FOXN2: variants seen among roughly 807,000 people sequenced by gnomAD.
The protein encoded by FOXN2 is forkhead box protein N2.
FOXN2 carries 19 observed loss-of-function variants against 41.2 expected under a neutral mutation model. That is an observed-to-expected ratio of 0.46 (90% confidence interval 0.32 to 0.68). FOXN2 has a LOEUF of 0.68. Ranked by LOEUF, FOXN2 falls within the 30% of genes least tolerant of loss-of-function variation. The probability of loss-of-function intolerance (pLI) is 0.03; values close to 1 mark genes in which losing one functional copy is unlikely to be tolerated. For missense variants in FOXN2, 587 were observed against 509.4 expected (o/e 1.15, Z -1.47); for synonymous variants, 195 against 176.8 (o/e 1.10, Z -0.82).
chr2:48,334,939 A>G (rs764104768), intron 2 of FOXN2, among the ~76,000 whole-genome samples: 1 of 152,236 alleles, frequency 6.6e-6, no homozygotes, highest in Admixed American at 6.5e-5. Context: ...CTCTCACACT[A>G]GTTTGCAGCA....
chr2:48,366,862 G>T (rs1270709900), intron 5 of FOXN2, among the ~76,000 whole-genome samples: 1 of 151,288 alleles, frequency 6.6e-6, no homozygotes, highest in Non-Finnish European at 1.5e-5. Context: ...ACCTGCTGAA[G>T]AACTTTAAAT....
At chr2:48,348,320 G>A (rs534675644) in intron 3 of FOXN2, among the ~76,000 whole-genome samples, 1 of 151,904 alleles carries the variant, frequency 6.6e-6, no homozygotes, top group African/African-American at 2.4e-5. Flanking sequence ...TCATTCTGCT[G>A]ATAAGCCCCA....
chr2:48,315,998 CCTAT>C (rs1395483335), intron 1 of FOXN2, among the ~76,000 whole-genome samples: 11 of 152,166 alleles, frequency 7.2e-5, no homozygotes, highest in African/African-American at 2.7e-4. Flanking sequence ...AGTTGTTTCT[CCTAT>C]CTTTTTTCTG....
intron 4 of FOXN2, 109 bp from the exon 5 acceptor site, chr2:48,362,534 A>G (rs1672256431): frequency 1.2e-6 from 1 of 850,962 alleles, no homozygotes. Flanking sequence ...ATGCCACTGC[A>G]CTCCAGCCTG....
intron 2 of FOXN2, among the ~76,000 whole-genome samples, chr2:48,337,931 CA>C (rs370226677): frequency 6.3e-4 from 96 of 151,772 alleles, no homozygotes; most frequent in African/African-American, 2.3e-3. Flanking sequence ...AAGCAGACCC[CA>C]AAAAAAGATT....
rs1455460919 is a variant in FOXN2 at position 48,346,761 on chromosome 2, T to C, written c.537+10T>C. ...AAGAAGCCATGGCAAGGTCAGTGTT[T>C]ATGAACATTGCTATATTTGGTGAGG... On this transcript the variant is annotated intron_variant, in intron 3 of 6. Transcript: ENST00000340553. The C allele has an allele frequency of 6.4e-7, 1 of 1,555,742 alleles. No individual in the cohort carries two copies. The highest frequency in any genetic ancestry group is 8.6e-7 in the Non-Finnish European group (1 of 1,157,456).
intron 1 of FOXN2, among the ~76,000 whole-genome samples, chr2:48,327,299 A>G (rs11687276): frequency 3.9e-5 from 6 of 152,110 alleles, no homozygotes; most frequent in African/African-American, 1.4e-4. Context: ...CTCACTTGCT[A>G]ACCATGTCTA....
rs1671095548 is a variant in FOXN2, at chr2:48,346,298, C to T, written c.84C>T (p.Tyr28=). ...AGATTGCAGGATTAAGCCAGATTTA[C>T]AAAATGGGAAGCTTGCCTGAAGCTG... is the stretch of plus-strand genomic sequence containing the variant. The part of the protein sequence containing the change: ...AEKIAGLSQI[Y]KMGSLPEAVD... Residue 28 remains tyrosine (Y), a synonymous_variant, in exon 3 of 7, where the codon TAC becomes TAT. Transcript: ENST00000340553. 1 of 1,614,058 alleles carries T rather than the reference C, an allele frequency of 6.2e-7. No individual in the cohort carries two copies. The highest frequency in any genetic ancestry group is 1.3e-5 in the African/African-American group (1 of 74,924).
At chr2:48,361,311 C>T (rs1572763013) in intron 4 of FOXN2, among the ~76,000 whole-genome samples, 1 of 151,936 alleles carries the variant, frequency 6.6e-6, no homozygotes, top group East Asian at 1.9e-4. Context: ...ACCAAAAATA[C>T]AAAAGTCAGC....
At chr2:48,337,575 G>A (rs956641020) in intron 2 of FOXN2, among the ~76,000 whole-genome samples, 1 of 151,898 alleles carries the variant, frequency 6.6e-6, no homozygotes, top group African/African-American at 2.4e-5. Flanking sequence ...CAAAGTGCTG[G>A]GATTACAGGT....
intron 2 of FOXN2, among the ~76,000 whole-genome samples, chr2:48,335,821 A>G (rs920489308): frequency 2.7e-5 from 4 of 150,714 alleles, no homozygotes; most frequent in African/African-American, 9.8e-5. Flanking sequence ...AGGTCAGGAA[A>G]TAGAGACCAT....
chr2:48,354,221 A>G (rs1181416623), intron 3 of FOXN2, among the ~76,000 whole-genome samples: 1 of 152,224 alleles, frequency 6.6e-6, no homozygotes, highest in Non-Finnish European at 1.5e-5. Flanking sequence ...AACAGTGTCA[A>G]ATGTTGCAGA....
chr2:48,362,544 G>A (rs34242257), intron 4 of FOXN2, 99 bp from the exon 5 acceptor site: 110,738 of 974,906 alleles, frequency 0.11, 7,397 homozygotes, highest in Middle Eastern at 0.19. Context: ...ACTCCAGCCT[G>A]GGCGGCCAGC....
At chr2:48,372,023 C>G (rs1400905406) in intron 5 of FOXN2, among the ~76,000 whole-genome samples, 1 of 152,136 alleles carries the variant, frequency 6.6e-6, no homozygotes, top group East Asian at 1.9e-4. Flanking sequence ...CCTTTTATTT[C>G]TTTCTCTTAC....
At chr2:48,331,892 A>G (rs1670042628) in intron 2 of FOXN2, among the ~76,000 whole-genome samples, 1 of 151,890 alleles carries the variant, frequency 6.6e-6, no homozygotes, top group African/African-American at 2.4e-5. Context: ...TTGGTCATTA[A>G]ATATATATTC....
At chr2:48,324,599 T>G (rs1056435366) in intron 1 of FOXN2, among the ~76,000 whole-genome samples, 11 of 152,240 alleles carry the variant, frequency 7.2e-5, no homozygotes, top group Non-Finnish European at 2.9e-5. Flanking sequence ...AATTTTCCCT[T>G]TGTACTTCTA....
At chr2:48,338,271 G>T (rs186180278) in intron 2 of FOXN2, among the ~76,000 whole-genome samples, 1 of 152,140 alleles carries the variant, frequency 6.6e-6, no homozygotes, top group Non-Finnish European at 1.5e-5. Flanking sequence ...CATACCTCAG[G>T]TTTGCTTGCA....
intron 2 of FOXN2, among the ~76,000 whole-genome samples, chr2:48,345,826 A>G (rs1000250036): frequency 1.3e-5 from 2 of 152,190 alleles, no homozygotes; most frequent in Non-Finnish European, 1.5e-5. Flanking sequence ...GATTCTTAAG[A>G]TACGTATAAA....
intron 2 of FOXN2, among the ~76,000 whole-genome samples, chr2:48,334,561 A>G (rs1228708549): frequency 1.3e-5 from 2 of 152,234 alleles, no homozygotes; most frequent in Non-Finnish European, 2.9e-5. Context: ...AAAACAACCT[A>G]AAATGCTGGA....
Sources: allele counts gnomAD v4.1 joint callset (sites outside exome capture counted in the v4.1 genomes callset), GRCh38; gene constraint gnomAD v4.1.1; transcripts MANE v1.5; gene names NCBI Gene and HGNC (gene_info 2026-07-23, HGNC 2026-07-21).